Variants in NPAS3 observed in about 807,000 individuals in gnomAD.
NPAS3 encodes neuronal PAS domain protein 3.
In NPAS3, 14 loss-of-function variants were observed where a neutral mutation model predicts 73.1. The ratio of observed to expected loss-of-function variants is 0.19; its 90% CI spans 0.13 to 0.30. The LOEUF (loss-of-function observed/expected upper bound fraction) is 0.30, where lower values mean the gene tolerates loss of function less well. Among genes scored for constraint, NPAS3 ranks in the 10% least tolerant of loss-of-function variants. The probability of loss-of-function intolerance (pLI) is 1.00; values close to 1 mark genes in which losing one functional copy is unlikely to be tolerated. For missense variants in NPAS3, 1,096 were observed against 1,250.0 expected, an observed-to-expected ratio of 0.88 and a Z score of 1.86; for synonymous variants, 620 against 541.5, an observed-to-expected ratio of 1.14 and a Z score of -2.01.
In NPAS3 at chr14:33,764,345, T is replaced by G. The variant is rs372713739; in HGVS notation, c.853-9992T>G. Among the ~76,000 whole-genome samples, 57 of 152,344 alleles carry G rather than the reference T, an allele frequency of 3.7e-4. 3 individuals carry two copies. The South Asian group carries it at 0.011, about 30-fold the overall frequency. ...GAAACAAACAAAGAGAAACAAAGTT[T>G]AAGTACTAACTTAGAACAAGACTAG... On this transcript the variant is annotated intron_variant, in intron 7 of 11. Coordinates refer to ENST00000356141, the Ensembl canonical transcript of NPAS3.
At chr14:33,127,725 A>T (rs2043482269) in intron 2 of NPAS3, among the ~76,000 whole-genome samples, 1 of 151,906 alleles carries the variant, frequency 6.6e-6, no homozygotes, top group Non-Finnish European at 1.5e-5. Flanking sequence ...CTAGTTCTTT[A>T]CTCTTTTTAG....
intron 3 of NPAS3, among the ~76,000 whole-genome samples, chr14:33,245,869 T>G (rs1594494540): frequency 6.6e-6 from 1 of 151,916 alleles, no homozygotes; most frequent in East Asian, 1.9e-4. Context: ...CTTTAAGTGT[T>G]ACAATGTACA....
At chr14:33,154,740 A>G (rs940777293) in intron 2 of NPAS3, among the ~76,000 whole-genome samples, 4 of 152,324 alleles carry the variant, frequency 2.6e-5, no homozygotes, top group Admixed American at 6.5e-5. Context: ...GCTTCCTAAC[A>G]AACAAATATG....
chr14:33,670,873 TGAGA>T (rs2059592587), intron 5 of NPAS3, among the ~76,000 whole-genome samples: 1 of 144,792 alleles, frequency 6.9e-6, no homozygotes, highest in Non-Finnish European at 1.5e-5. Flanking sequence ...GAAGGACTCC[TGAGA>T]AAGAGATTAA....
At chr14:33,508,686 A>G (rs986558860) in intron 4 of NPAS3, among the ~76,000 whole-genome samples, 2 of 152,036 alleles carry the variant, frequency 1.3e-5, no homozygotes, top group African/African-American at 2.4e-5. Context: ...GAGCCAGGTA[A>G]CACTCTTACT....
intron 2 of NPAS3, among the ~76,000 whole-genome samples, chr14:33,104,378 G>GT (rs2042661911): frequency 6.6e-6 from 1 of 152,248 alleles, no homozygotes; most frequent in East Asian, 1.9e-4. Context: ...GTAAAAGTCC[G>GT]TAAGTTACTA....
At chr14:33,785,434 CAAAAA>C (rs1223437695) in intron 9 of NPAS3, among the ~76,000 whole-genome samples, 3 of 75,386 alleles carry the variant, frequency 4.0e-5, no homozygotes, top group African/African-American at 8.7e-5. Context: ...GACTCCATCT[CAAAAA>C]AAAAAAAAAA....
At chr14:33,116,974 A>G (rs1456908072) in intron 2 of NPAS3, among the ~76,000 whole-genome samples, 1 of 152,120 alleles carries the variant, frequency 6.6e-6, no homozygotes, top group Non-Finnish European at 1.5e-5. Context: ...TTAATAGGCC[A>G]TTGCTTTGTA....
chr14:33,148,968 G>C (rs529772341), intron 2 of NPAS3, among the ~76,000 whole-genome samples: 2 of 152,034 alleles, frequency 1.3e-5, no homozygotes, highest in South Asian at 4.2e-4. Context: ...ATACAGCTAG[G>C]ATACCCCGCG....
At chr14:33,598,281 C>G (rs2057303707) in intron 5 of NPAS3, among the ~76,000 whole-genome samples, 1 of 152,198 alleles carries the variant, frequency 6.6e-6, no homozygotes, top group Non-Finnish European at 1.5e-5. Flanking sequence ...CTGCCCAGAG[C>G]TTTCCATCTC....
intron 4 of NPAS3, among the ~76,000 whole-genome samples, chr14:33,487,921 G>A (rs976680135): frequency 2.0e-5 from 3 of 152,058 alleles, no homozygotes; most frequent in Non-Finnish European, 2.9e-5. Context: ...TCTGTCTTTC[G>A]AATTGAAGGA....
chr14:32,934,830 G>A, upstream of NPAS3: 1 of 420,612 alleles, frequency 2.4e-6, no homozygotes, highest in Non-Finnish European at 3.2e-6. The surrounding 1 kb of genome is among the most constrained non-coding windows in gnomAD (Gnocchi z 4.1). Flanking sequence ...CGCGCCCGGG[G>A]GCCGAAGCCG....
intron 1 of NPAS3, among the ~76,000 whole-genome samples, chr14:32,986,732 A>G (rs1266118527): frequency 6.6e-6 from 1 of 152,244 alleles, no homozygotes; most frequent in Non-Finnish European, 1.5e-5. Flanking sequence ...CCACTGCATA[A>G]CATTTAGTTA....
chr14:33,098,231 C>G (rs909435475), intron 2 of NPAS3, among the ~76,000 whole-genome samples: 1 of 152,286 alleles, frequency 6.6e-6, no homozygotes, highest in Admixed American at 6.5e-5. Flanking sequence ...CTTTTTCCCA[C>G]AGCACTGTAG....
At chr14:33,491,925 A>T (rs911196265) in intron 4 of NPAS3, among the ~76,000 whole-genome samples, 5 of 152,142 alleles carry the variant, frequency 3.3e-5, no homozygotes, top group African/African-American at 1.2e-4. Flanking sequence ...CAAACATCCA[A>T]ATTGTTGACC....
intron 1 of NPAS3, among the ~76,000 whole-genome samples, chr14:33,050,392 A>C (rs1180466723): frequency 6.6e-6 from 1 of 152,188 alleles, no homozygotes; most frequent in African/African-American, 2.4e-5. Flanking sequence ...GAGGCCCAGC[A>C]GTCTTCCCTA....
intron 6 of NPAS3, among the ~76,000 whole-genome samples, chr14:33,698,270 ATAAATAT>A (rs1169169679): frequency 6.6e-6 from 1 of 152,250 alleles, no homozygotes; most frequent in African/African-American, 2.4e-5. Flanking sequence ...TTTTCAGAAG[ATAAATAT>A]TAAATGTTTT....
chr14:33,407,881 A>G (rs888192723), intron 4 of NPAS3, among the ~76,000 whole-genome samples: 21 of 152,170 alleles, frequency 1.4e-4, no homozygotes, highest in Non-Finnish European at 2.6e-4. Context: ...AGAAATGCTT[A>G]CAGCATAGGT....
chr14:33,645,118 C>G (rs985832854), intron 5 of NPAS3, among the ~76,000 whole-genome samples: 13 of 151,356 alleles, frequency 8.6e-5, no homozygotes, highest in African/African-American at 3.2e-4. Context: ...AAAAGATGAG[C>G]GAATAGGACA....
Sources: gnomAD v4.1 joint callset for allele counts (sites outside exome capture counted in the v4.1 genomes callset) on GRCh38, gnomAD v4.1.1 for gene constraint, Gnocchi (gnomAD v3.1) non-coding constraint, MANE v1.5 for transcripts, NCBI Gene and HGNC (gene_info 2026-07-23, HGNC 2026-07-21) for gene names.